Variants in ADGRG6 observed in about 807,000 individuals in gnomAD.
ADGRG6 encodes G-protein coupled receptor 126.
In ADGRG6, 84 loss-of-function variants were observed where a neutral mutation model predicts 142.4. That is an observed-to-expected ratio of 0.59 (90% CI 0.49 to 0.71). The LOEUF (loss-of-function observed/expected upper bound fraction) is 0.71, where lower values mean the gene tolerates loss of function less well. ADGRG6 is among the 30% of genes least tolerant of loss of function. ADGRG6 has a pLI of 0.00. For synonymous variants in ADGRG6, 521 were observed against 520.5 expected (o/e 1.00, Z -0.01); for missense variants, 1,367 against 1,466.6 (o/e 0.93, Z 1.11).
At chr6:142,317,951 T>G (rs1159467047) in intron 2 of ADGRG6, among the ~76,000 whole-genome samples, 1 of 71,212 alleles carries the variant, frequency 1.4e-5, no homozygotes, top group Non-Finnish European at 2.4e-5. Context: ...TATATATTTA[T>G]ATTATATATT....
intron 22 of ADGRG6, among the ~76,000 whole-genome samples, chr6:142,433,198 T>G (rs577666740): frequency 7.2e-5 from 11 of 152,196 alleles, no homozygotes; most frequent in African/African-American, 2.7e-4. Flanking sequence ...GCTGAGACAA[T>G]GTGGACTTCC....
chr6:142,304,414 C>G (rs1211516261), intron 1 of ADGRG6, among the ~76,000 whole-genome samples: 1 of 152,110 alleles, frequency 6.6e-6, no homozygotes, highest in Non-Finnish European at 1.5e-5. Flanking sequence ...TCGTCTCAAG[C>G]TGCATGAAGC....
rs1361332018 is a variant in ADGRG6, at chr6:142,411,287, T to C, written c.2435-18T>C. 4 of 1,383,446 alleles carry C rather than the reference T, an allele frequency of 2.9e-6. No homozygotes were observed. Among genetic ancestry groups the C allele is most frequent in the African/African-American group, 2.8e-5 (2 of 70,562 alleles). The allele number at this position is 1,383,446 out of a possible 1,614,324, so 85.7% of individuals were successfully genotyped here. ...ACTGACCTGCTGTTTTCACACTGTTTGTTGATTCCTTCAACAGAAAGTTTT... is the reference window on the plus strand; with the variant it reads ...ACTGACCTGCTGTTTTCACACTGTTCGTTGATTCCTTCAACAGAAAGTTTT... On this transcript the variant is annotated intron_variant, in intron 17 of 24. Transcript: ENST00000367609.
intron 22 of ADGRG6, among the ~76,000 whole-genome samples, chr6:142,422,188 A>AGG (rs1776688069): frequency 6.6e-6 from 1 of 151,936 alleles, no homozygotes; most frequent in African/African-American, 2.4e-5. Flanking sequence ...TTATACTTTA[A>AGG]GTTTTAGGGT....
At chr6:142,403,772 T>G in intron 13 of ADGRG6, 30 bp from the exon 14 acceptor site, 1 of 1,407,694 alleles carries the variant, frequency 7.1e-7, no homozygotes. Context: ...TCATATTACT[T>G]AATAGTGGCA....
At chr6:142,339,107 GTTAAC>G (rs1253833042) in intron 2 of ADGRG6, among the ~76,000 whole-genome samples, 1 of 152,162 alleles carries the variant, frequency 6.6e-6, no homozygotes, top group African/African-American at 2.4e-5. Flanking sequence ...AATCTCAGGT[GTTAAC>G]TTAAATATTT....
Position 142,302,172 on chromosome 6 carries a change from A to T in ADGRG6, c.-158A>T. ...AGGGTTCACCTTGCGCCGTCGGGAA[A>T]GCCCATGAACTCTCCAGAAACGGCG... On this transcript the variant is annotated 5_prime_UTR_variant, in exon 1 of 25. In the 5' UTR this introduces an upstream ATG that the reference lacks. Coordinates refer to ENST00000367609, the MANE Select transcript of ADGRG6 (RefSeq NM_198569.3). 1.4e-6 allele frequency: 1 copy of T among 703,986 alleles called. No homozygotes were observed. The highest frequency in any genetic ancestry group is 2.3e-6 in the Non-Finnish European group (1 of 442,204). The allele number at this position is 703,986 out of a possible 1,614,324, so 43.6% of individuals were successfully genotyped here. A position where few individuals can be genotyped will look rare whatever the true frequency, so the allele number is the denominator to read the frequency against.
intron 14 of ADGRG6, 46 bp downstream of exon 14, chr6:142,404,019 T>C: frequency 7.1e-7 from 1 of 1,401,160 alleles, no homozygotes; most frequent in East Asian, 2.3e-5. Context: ...TAGTTAGACA[T>C]ATAAAAACTT....
chr6:142,408,361 C>T, intron 16 of ADGRG6, 92 bp downstream of exon 16: 1 of 966,312 alleles, frequency 1.0e-6, no homozygotes, highest in Non-Finnish European at 1.5e-6. Context: ...AAGTAACTGA[C>T]CCTTTTTTTG....
In ADGRG6 at chr6:142,370,748, A is replaced by G; in HGVS notation, c.1024A>G (p.Asn342Asp). 2 of 1,613,736 alleles carry G rather than the reference A, an allele frequency of 1.2e-6. No individual in the cohort carries two copies. The highest frequency in any genetic ancestry group is 1.7e-6 in the Non-Finnish European group (2 of 1,179,790). The change falls in exon 4 of 25, where the codon AAT (asparagine) becomes GAT (aspartate). Residue 342 changes from asparagine (N) to aspartate (D), a missense_variant. This residue lies in a region of ADGRG6 where 737 missense variants were observed against 746.5 expected (regional missense o/e 0.99). Transcript: ENST00000367609. ...NVVDWQNDFW[N>D]IPNLALKAES... ...AGTCGACTGGCAAAATGACTTCTGG[A>G]ATATCCCAAACCTAGCTCTGAAAGC...
rs1583054439 is a variant in ADGRG6 at position 142,373,682 on chromosome 6, G to A, written c.1069+2889G>A. ...GCTCTCCTGAGTAGGTAGGACATCA[G>A]GTGTGCACCACCATGCCCAGCTAAT... On this transcript the variant is annotated intron_variant, in intron 4 of 24. Coordinates refer to ENST00000367609, the MANE Select transcript of ADGRG6 (RefSeq NM_198569.3). 2.0e-5 allele frequency among the ~76,000 whole-genome samples: 3 copies of A among 152,214 alleles called. No individual in the cohort carries two copies. In the South Asian group the frequency reaches 6.2e-4, roughly 32 times the overall value.
chr6:142,317,968 TTATA>T (rs1286454148), intron 2 of ADGRG6, among the ~76,000 whole-genome samples: 2 of 64,618 alleles, frequency 3.1e-5, no homozygotes, highest in Admixed American at 2.9e-4. Context: ...TATTTATATA[TTATA>T]TATATTTATA....
intron 22 of ADGRG6, among the ~76,000 whole-genome samples, chr6:142,430,425 A>G (rs970077295): frequency 3.9e-5 from 6 of 152,202 alleles, no homozygotes; most frequent in African/African-American, 1.4e-4. Flanking sequence ...ATTTTACTGT[A>G]TAGTAGTATC....
intron 1 of ADGRG6, among the ~76,000 whole-genome samples, chr6:142,308,631 G>A (rs2114506895): frequency 6.6e-6 from 1 of 151,914 alleles, no homozygotes; most frequent in East Asian, 1.9e-4. Context: ...GGGATTTTCA[G>A]GTTTCCTGGA....
chr6:142,349,262 A>G (rs1780047505), intron 2 of ADGRG6, among the ~76,000 whole-genome samples: 1 of 152,222 alleles, frequency 6.6e-6, no homozygotes, highest in Non-Finnish European at 1.5e-5. Flanking sequence ...ATTAGAATGC[A>G]GGGGGTTGGT....
At chr6:142,318,628 G>T (rs1778362580) in intron 2 of ADGRG6, among the ~76,000 whole-genome samples, 1 of 151,160 alleles carries the variant, frequency 6.6e-6, no homozygotes, top group African/African-American at 2.4e-5. Context: ...AAATTCTCAT[G>T]GATAGATAAT....
chr6:142,345,060 T>C (rs1779825605), intron 2 of ADGRG6, among the ~76,000 whole-genome samples: 1 of 152,020 alleles, frequency 6.6e-6, no homozygotes, highest in Admixed American at 6.6e-5. Context: ...CATTCAATAA[T>C]TGGACTGTAA....
At chr6:142,412,272 T>A (rs982061843) in intron 18 of ADGRG6, among the ~76,000 whole-genome samples, 7 of 152,172 alleles carry the variant, frequency 4.6e-5, no homozygotes, top group Admixed American at 1.3e-4. Flanking sequence ...TCTGTTTGGT[T>A]TTCATAAAGG....
At position 142,435,273 on chromosome 6, in the gene ADGRG6, C is replaced by A. The variant is rs564987511; in HGVS notation, c.3320-2161C>A. Among the ~76,000 whole-genome samples, 3 of 152,206 alleles carry A rather than the reference C, an allele frequency of 2.0e-5. No homozygotes were observed. In the East Asian group the frequency reaches 5.8e-4, roughly 29 times the overall value. On this transcript the variant is annotated intron_variant, in intron 22 of 24. Transcript: ENST00000367609. ...TGCTTAGCAGCGCTTAATAAATTGTCACTGAATCAATTACCCTTCCTGGAA... is the reference window on the plus strand; with the variant it reads ...TGCTTAGCAGCGCTTAATAAATTGTAACTGAATCAATTACCCTTCCTGGAA...
Sources: gnomAD v4.1 joint callset for allele counts (sites outside exome capture counted in the v4.1 genomes callset) on GRCh38, gnomAD v4.1.1 for gene constraint, gnomAD v4.1.1 regional missense constraint, MANE v1.5 for transcripts, NCBI Gene and HGNC (gene_info 2026-07-23, HGNC 2026-07-21) for gene names.